Variants in CDK5RAP2 observed in about 807,000 individuals in gnomAD.
CDK5RAP2 encodes the protein CDK5 regulatory subunit associated protein 2.
Under a neutral mutation model 232.9 loss-of-function variants are expected in CDK5RAP2, and 147 were observed. That is an observed-to-expected ratio of 0.63 (90% CI 0.55 to 0.72). The LOEUF (loss-of-function observed/expected upper bound fraction) is 0.72, where lower values mean the gene tolerates loss of function less well. Ranked by LOEUF, CDK5RAP2 falls within the 30% of genes least tolerant of loss-of-function variation. The pLI is 0.00. For missense variants in CDK5RAP2, 2,195 were observed against 2,231.5 expected, an observed-to-expected ratio of 0.98 and a Z score of 0.33; for synonymous variants, 833 against 833.7, an observed-to-expected ratio of 1.00 and a Z score of 0.01.
chr9:120,526,555 C>T (rs1196360746), intron 10 of CDK5RAP2, among the ~76,000 whole-genome samples: 2 of 152,134 alleles, frequency 1.3e-5, no homozygotes, highest in South Asian at 2.1e-4. Context: ...TGCTCTAATT[C>T]ACCCTTTCTT....
At chr9:120,571,062 G>C (rs995943698) in intron 2 of CDK5RAP2, among the ~76,000 whole-genome samples, 1 of 146,890 alleles carries the variant, frequency 6.8e-6, no homozygotes, top group Non-Finnish European at 1.6e-5. Context: ...GGGAGACTGA[G>C]ATGGAGAATT....
intron 13 of CDK5RAP2, among the ~76,000 whole-genome samples, chr9:120,489,884 C>T (rs529323814): frequency 1.1e-3 from 167 of 151,612 alleles, no homozygotes; most frequent in African/African-American, 3.7e-3. Context: ...CTCGGCTCAC[C>T]GCAACCTCTG....
chr9:120,524,929 C>A, intron 11 of CDK5RAP2, 57 bp downstream of exon 11: 1 of 1,231,816 alleles, frequency 8.1e-7, no homozygotes, highest in South Asian at 1.2e-5. Flanking sequence ...GCAAAGTCCT[C>A]ACCTCACCAG....
chr9:120,438,495 G>A (rs180948707), intron 24 of CDK5RAP2, among the ~76,000 whole-genome samples: 1 of 152,310 alleles, frequency 6.6e-6, no homozygotes, highest in Admixed American at 6.5e-5. Flanking sequence ...AGTAACATGA[G>A]TAAACATGGG....
intron 14 of CDK5RAP2, among the ~76,000 whole-genome samples, chr9:120,482,324 T>C (rs983189281): frequency 6.6e-6 from 1 of 152,106 alleles, no homozygotes; most frequent in Non-Finnish European, 1.5e-5. Context: ...TGGATATCAG[T>C]TCAGGCTCTT....
rs553928715 is a variant in CDK5RAP2 at position 120,476,547 on chromosome 9, T to C, written c.1727+803A>G. The stretch of plus-strand genomic sequence containing the variant: ...GCAAAAAATTAGCCGGGCGTGGTGG[T>C]ATGTGCCTGTAGTCCCAACTACTTG... On this transcript the variant is annotated intron_variant, in intron 15 of 37. Coordinates refer to ENST00000349780, the MANE Select transcript of CDK5RAP2 (RefSeq NM_018249.6). Among the ~76,000 whole-genome samples, 279 of 151,798 alleles carry C rather than the reference T, an allele frequency of 1.8e-3. 1 individual carries two copies. Among genetic ancestry groups the C allele is most frequent in the African/African-American group, 6.5e-3 (270 of 41,362 alleles).
chr9:120,398,450 G>C (rs567382375), intron 35 of CDK5RAP2, among the ~76,000 whole-genome samples: 1 of 152,052 alleles, frequency 6.6e-6, no homozygotes, highest in Non-Finnish European at 1.5e-5. Flanking sequence ...AGAAATGTGT[G>C]GTCAAATTAC....
chr9:120,568,321 A>G lies in CDK5RAP2; in HGVS notation c.195T>C (p.Asn65=), dbSNP rs897322102. ...GCAGTAATTTGGTATTTCCACTTAC[A>G]TTTTCAAAGTCCTTCATGTTCCGTG... ...TRARNMKDFE[N]QITELKKENF... Residue 65 remains asparagine, a splice_region_variant and synonymous_variant, in exon 3 of 38, where the codon AAT becomes AAC. Coordinates refer to ENST00000349780, the MANE Select transcript of CDK5RAP2 (RefSeq NM_018249.6). 3 of 1,610,778 alleles carry G rather than the reference A, an allele frequency of 1.9e-6. No homozygotes were observed. Among genetic ancestry groups the G allele is most frequent in the African/African-American group, 2.7e-5 (2 of 74,958 alleles).
At chr9:120,404,154 G>A in intron 32 of CDK5RAP2, 41 bp from the exon 33 acceptor site, 1 of 1,284,544 alleles carries the variant, frequency 7.8e-7, no homozygotes, top group Non-Finnish European at 1.1e-6. Flanking sequence ...TTTCACTGTT[G>A]TCAGCATTCA....
chr9:120,470,233 G>GAA lies in CDK5RAP2; in HGVS notation c.1859-15_1859-14dup, dbSNP rs747385902. ...GAAAATGATTCTTCTGCCCAAAAAA[G>GAA]AAAAAAAAAAGGTGGGGAGGGGGAG... On this transcript the variant is annotated splice_polypyrimidine_tract_variant and intron_variant, in intron 16 of 37. Transcript: ENST00000349780. 2.2e-5 allele frequency: 23 copies of GAA among 1,024,370 alleles called. No homozygotes were observed. The highest frequency in any genetic ancestry group is 5.7e-5 in the South Asian group (3 of 53,012). 63.5% of individuals were successfully genotyped at this position (1,024,370 alleles called of 1,614,324 possible).
rs574550316 is a variant in CDK5RAP2 at position 120,466,933 on chromosome 9, C to A, written c.2106+927G>T. 2.6e-5 allele frequency among the ~76,000 whole-genome samples: 4 copies of A among 152,282 alleles called. No individual in the cohort carries two copies. The South Asian group carries it at 8.3e-4, about 32-fold the overall frequency. ...AGATTCCAGTTTCATACGTGAGGGA[C>A]CCAAGTACAAAAAGGCCCTACTACT... On this transcript the variant is annotated intron_variant, in intron 18 of 37. Coordinates refer to ENST00000349780, the MANE Select transcript of CDK5RAP2 (RefSeq NM_018249.6).
Position 120,539,053 on chromosome 9 carries a change from G to C in CDK5RAP2, c.495C>G (p.Leu165=), listed in dbSNP as rs374575584. The C allele has an allele frequency of 1.8e-5, 29 of 1,613,850 alleles. No individual in the cohort carries two copies. Among genetic ancestry groups the C allele is most frequent in the Non-Finnish European group, 2.2e-5 (26 of 1,179,870 alleles). Residue 165 remains leucine, a synonymous_variant, in exon 6 of 38, where the codon CTC becomes CTG. Transcript: ENST00000349780. ...TTTCCAGACTTGCCTTTTCCAAAAG[G>C]AGTATTCTTTTAGTTAGGAGATCTT... The part of the protein sequence containing the change: ...QVEDLLTKRI[L]LLEKDVTAAQ...
At position 120,452,125 on chromosome 9, in the gene CDK5RAP2, C is replaced by T. The variant is rs191867279; in HGVS notation, c.2793+1331G>A. 5.0e-3 allele frequency among the ~76,000 whole-genome samples: 758 copies of T among 151,874 alleles called. 7 individuals are homozygous for T. The highest frequency in any genetic ancestry group is 0.01 in the Middle Eastern group (3 of 294). On this transcript the variant is annotated intron_variant, in intron 21 of 37. Transcript: ENST00000349780. ...AAAAAAAACAAACAAACAAAAGACA[C>T]CTAGTTTTCCTGATATACAGGTACA...
intron 12 of CDK5RAP2, among the ~76,000 whole-genome samples, chr9:120,502,094 A>C (rs536178885): frequency 6.6e-6 from 1 of 152,094 alleles, no homozygotes; most frequent in Non-Finnish European, 1.5e-5. Context: ...CATGGTTTAG[A>C]TCTCTTTTGC....
intron 32 of CDK5RAP2, chr9:120,406,387 G>A (rs1490700148): frequency 1.3e-5 from 2 of 152,748 alleles, no homozygotes; most frequent in African/African-American, 2.4e-5. Flanking sequence ...GTGCCACTTT[G>A]GGCAAGCCCC....
intron 1 of CDK5RAP2, among the ~76,000 whole-genome samples, chr9:120,575,030 G>A (rs2042981469): frequency 1.3e-5 from 2 of 151,986 alleles, no homozygotes; most frequent in Admixed American, 1.3e-4. Flanking sequence ...TCAGCACAGG[G>A]CACAGCCATC....
chr9:120,505,809 A>G (rs1436198446), intron 12 of CDK5RAP2, among the ~76,000 whole-genome samples: 2 of 152,246 alleles, frequency 1.3e-5, no homozygotes, highest in Non-Finnish European at 2.9e-5. Flanking sequence ...ATGAAAGCTA[A>G]GAGAGGTGAA....
At chr9:120,566,626 C>A (rs938963746) in intron 3 of CDK5RAP2, among the ~76,000 whole-genome samples, 5 of 152,228 alleles carry the variant, frequency 3.3e-5, no homozygotes, top group South Asian at 2.1e-4. Context: ...TTCACTCATT[C>A]AATCCTCCTA....
At position 120,467,976 on chromosome 9, in the gene CDK5RAP2, C is replaced by G; in HGVS notation, c.1990G>C (p.Val664Leu). The G allele has an allele frequency of 6.2e-7, 1 of 1,614,030 alleles. No individual in the cohort carries two copies. Among genetic ancestry groups the G allele is most frequent in the Admixed American group, 1.7e-5 (1 of 60,034 alleles). ...KKKVSDLIQL[V>L]KELYTDNQHL... ...TGGTTGTCTGTATACAGCTCCTTCA[C>G]TAGCTGTATAAGGTCACTGACCTAG... The change falls in exon 18 of 38, where the codon GTG (valine) becomes CTG (leucine). Residue 664 changes from valine (V) to leucine (L), a missense_variant. Physicochemically the swap from Val to Leu is conservative, Grantham distance 32. Coordinates refer to ENST00000349780, the MANE Select transcript of CDK5RAP2 (RefSeq NM_018249.6).
Sources: gnomAD v4.1 joint callset for allele counts (sites outside exome capture counted in the v4.1 genomes callset) on GRCh38, gnomAD v4.1.1 for gene constraint, MANE v1.5 for transcripts, NCBI Gene and HGNC (gene_info 2026-07-23, HGNC 2026-07-21) for gene names.